Variants in SYT16 observed in about 807,000 individuals in gnomAD.
The protein encoded by SYT16 is synaptotagmin 16.
Under a neutral mutation model 61.4 loss-of-function variants are expected in SYT16, and 42 were observed. The ratio of observed to expected loss-of-function variants is 0.68; its 90% CI spans 0.53 to 0.89. The LOEUF is 0.89. SYT16 is among the 40% of genes least tolerant of loss of function. The pLI is 0.00. For synonymous variants in SYT16, 314 were observed against 302.3 expected (o/e 1.04, Z -0.40); for missense variants, 804 against 807.3 (o/e 1.00, Z 0.05).
At chr14:61,986,548 C>T (rs2052323686) in intron 2 of SYT16, among the ~76,000 whole-genome samples, 1 of 151,702 alleles carries the variant, frequency 6.6e-6, no homozygotes, top group Non-Finnish European at 1.5e-5. Context: ...GTGTGCTGCA[C>T]CCATTAACTC....
chr14:61,994,686 TA>T (rs921230529), intron 2 of SYT16, among the ~76,000 whole-genome samples: 9 of 152,076 alleles, frequency 5.9e-5, no homozygotes, highest in African/African-American at 1.9e-4. Flanking sequence ...TTATTCAGCA[TA>T]GGGGGGAAAT....
chr14:61,943,177 A>C (rs1369813684), intron 1 of SYT16, among the ~76,000 whole-genome samples: 2 of 152,188 alleles, frequency 1.3e-5, no homozygotes, highest in African/African-American at 4.8e-5. Flanking sequence ...CCAAGACTAA[A>C]CCAGGAAGAA....
intron 3 of SYT16, 45 bp downstream of exon 3, chr14:61,996,587 A>G (rs756758496): frequency 4.0e-5 from 61 of 1,525,004 alleles, no homozygotes; most frequent in Non-Finnish European, 5.2e-5. Flanking sequence ...TCCAAAGAGC[A>G]TTTCTACTTA....
intron 1 of SYT16, among the ~76,000 whole-genome samples, chr14:61,831,650 C>A (rs893066341): frequency 6.6e-6 from 1 of 151,878 alleles, no homozygotes; most frequent in African/African-American, 2.4e-5. Flanking sequence ...TATTCATATT[C>A]TTTATTTCTC....
chr14:61,982,730 A>T, intron 2 of SYT16, among the ~76,000 whole-genome samples: 1 of 152,206 alleles, frequency 6.6e-6, no homozygotes, highest in East Asian at 1.9e-4. Context: ...GAAGTTTTGA[A>T]GGATTTTTGA....
chr14:62,063,037 G>A (rs1292142111), intron 3 of SYT16, among the ~76,000 whole-genome samples: 1 of 152,168 alleles, frequency 6.6e-6, no homozygotes, highest in Non-Finnish European at 1.5e-5. Context: ...CTTAAAAGAA[G>A]CAACAAAATG....
At chr14:62,030,631 C>T (rs370870993) in intron 3 of SYT16, among the ~76,000 whole-genome samples, 3 of 152,194 alleles carry the variant, frequency 2.0e-5, no homozygotes, top group African/African-American at 7.2e-5. Flanking sequence ...GAATGTAGCT[C>T]TGATCAGTCT....
At chr14:62,031,870 G>A (rs1417299591) in intron 3 of SYT16, among the ~76,000 whole-genome samples, 1 of 152,098 alleles carries the variant, frequency 6.6e-6, no homozygotes, top group South Asian at 2.1e-4. Context: ...AAGTGTTTCT[G>A]CTACTGAAAG....
intron 3 of SYT16, among the ~76,000 whole-genome samples, chr14:62,046,610 A>T (rs1290847355): frequency 6.6e-6 from 1 of 152,136 alleles, no homozygotes; most frequent in African/African-American, 2.4e-5. Flanking sequence ...GTCTTTAATC[A>T]ATCTTGAATT....
At chr14:62,098,579 G>A (rs2057338161) in intron 7 of SYT16, among the ~76,000 whole-genome samples, 1 of 152,166 alleles carries the variant, frequency 6.6e-6, no homozygotes, top group South Asian at 2.1e-4. Context: ...TAGCTTTATT[G>A]CACAAGTTTG....
intron 3 of SYT16, among the ~76,000 whole-genome samples, chr14:62,061,198 C>T (rs1431006361): frequency 1.3e-5 from 2 of 152,028 alleles, no homozygotes; most frequent in Non-Finnish European, 2.9e-5. Flanking sequence ...CTGTGATTCA[C>T]TTAGGACACA....
intron 7 of SYT16, 98 bp downstream of exon 7, chr14:62,084,483 T>C (rs913257599): frequency 7.4e-7 from 1 of 1,353,178 alleles, no homozygotes; most frequent in South Asian, 1.4e-5. Flanking sequence ...ACCATAAAAA[T>C]GATCTTATTA....
intron 3 of SYT16, 181 bp from the exon 4 acceptor site, chr14:62,069,422 C>T: frequency 4.9e-6 from 3 of 610,812 alleles, no homozygotes; most frequent in Admixed American, 3.0e-5. Context: ...CATGAGCATT[C>T]TTTGCTTTGG....
At chr14:61,906,786 C>T (rs536017359) in intron 1 of SYT16, among the ~76,000 whole-genome samples, 2 of 123,750 alleles carry the variant, frequency 1.6e-5, no homozygotes, top group Non-Finnish European at 3.5e-5. Flanking sequence ...TCCGTCCGTC[C>T]GTCCATCCAT....
In SYT16 at chr14:62,104,423, A is replaced by G. The variant is rs1321150741; in HGVS notation, c.*3716A>G. The G allele has an allele frequency of 1.3e-5, 2 of 152,212 alleles. No individual in the cohort carries two copies. Among genetic ancestry groups the G allele is most frequent in the Non-Finnish European group, 2.9e-5 (2 of 68,026 alleles). The allele number at this position is 152,212 out of a possible 1,614,324, so 9.4% of individuals were successfully genotyped here. A position where few individuals can be genotyped will look rare whatever the true frequency, so the allele number is the denominator to read the frequency against. On this transcript the variant is annotated 3_prime_UTR_variant, in exon 8 of 8. Transcript: ENST00000683842. ...AAATGATGGATAATCCTGAAATGGT[A>G]AAAGTATTTTTGTCTTAAAAATTAT...
chr14:62,056,296 G>A (rs1487186466), intron 3 of SYT16, among the ~76,000 whole-genome samples: 1 of 152,138 alleles, frequency 6.6e-6, no homozygotes, highest in African/African-American at 2.4e-5. Flanking sequence ...TGGTGGAGGA[G>A]GGCGATTTGG....
chr14:61,950,904 A>G (rs1018080458), intron 1 of SYT16, among the ~76,000 whole-genome samples: 2 of 152,200 alleles, frequency 1.3e-5, no homozygotes, highest in Non-Finnish European at 2.9e-5. Flanking sequence ...CTTTTCCCCC[A>G]GAAATTAACT....
intron 1 of SYT16, chr14:61,864,863 C>A: frequency 8.7e-7 from 1 of 1,146,978 alleles, no homozygotes; most frequent in Non-Finnish European, 1.3e-6. Flanking sequence ...ATTCTCCCAG[C>A]CACCCCCGGC....
chr14:62,053,319 C>T (rs1385876539), intron 3 of SYT16, among the ~76,000 whole-genome samples: 1 of 152,186 alleles, frequency 6.6e-6, no homozygotes, highest in East Asian at 1.9e-4. Context: ...CAGACTGAAA[C>T]TTACATCATC....
Sources: gnomAD v4.1 joint callset for allele counts (sites outside exome capture counted in the v4.1 genomes callset) on GRCh38, gnomAD v4.1.1 for gene constraint, MANE v1.5 for transcripts, NCBI Gene and HGNC (gene_info 2026-07-23, HGNC 2026-07-21) for gene names.